IL12RB1: variants seen among roughly 807,000 people sequenced by gnomAD.
The protein encoded by IL12RB1 is interleukin 12 receptor subunit beta 1.
In IL12RB1, 64 loss-of-function variants were observed where a neutral mutation model predicts 94.4. The observed-to-expected ratio is 0.68, with a 90% CI of 0.55 to 0.83. The LOEUF is 0.83. Ranked by LOEUF, IL12RB1 falls within the 40% of genes least tolerant of loss-of-function variation. The pLI, the probability that IL12RB1 is intolerant of heterozygous loss-of-function variation, is 0.00. For missense variants in IL12RB1, 814 were observed against 855.6 expected, an observed-to-expected ratio of 0.95 and a Z score of 0.61; for synonymous variants, 362 against 355.5, an observed-to-expected ratio of 1.02 and a Z score of -0.21.
rs972579837 is a variant in IL12RB1 at position 18,068,432 on chromosome 19, G to A, written c.1284C>T (p.Thr428=). The change falls in exon 11 of 17, where the codon ACC becomes ACT. Residue 428 remains threonine (T), a synonymous_variant. Coordinates refer to ENST00000593993, the MANE Select transcript of IL12RB1 (RefSeq NM_005535.3). ...IFASAHPEKL[T]LWSTVLSTYH... is the part of the protein sequence containing the mutation. ...AGGTGGACAGGACCGTAGACCACAA[G>A]GTGAGCTTCTCGGGGTGCGCAGAGG... 2 of 1,613,348 alleles carry A rather than the reference G, an allele frequency of 1.2e-6. No individual in the cohort carries two copies. The highest frequency in any genetic ancestry group is 1.3e-5 in the African/African-American group (1 of 74,808).
rs1259354262 is a variant in IL12RB1 at position 18,066,677 on chromosome 19, G to A, written c.1348C>T (p.His450Tyr). 1.6e-5 allele frequency: 26 copies of A among 1,607,772 alleles called. No homozygotes were observed. The highest frequency in any genetic ancestry group is 2.2e-5 in the Non-Finnish European group (26 of 1,175,058). ...GGNASAAGTPHHVSVKNHSLD... is the reference protein window; with the variant it reads ...GGNASAAGTPYHVSVKNHSLD... ...CTATGATTCTTCACCGAGACGTGGTGCGGTGTCCCAGCTGCTGAGGCTGCA... is the reference window on the plus strand; with the variant it reads ...CTATGATTCTTCACCGAGACGTGGTACGGTGTCCCAGCTGCTGAGGCTGCA... The change falls in exon 12 of 17, where the codon CAC (histidine) becomes TAC (tyrosine). Residue 450 changes from histidine to tyrosine, a missense_variant. Transcript: ENST00000593993.
chr19:18,060,044 T>C lies in IL12RB1; in HGVS notation c.1833A>G (p.Ala611=), dbSNP rs1211891357. 3 of 1,606,598 alleles carry C rather than the reference T, an allele frequency of 1.9e-6. No individual in the cohort carries two copies. In the South Asian group the frequency reaches 3.3e-5, roughly 18 times the overall value. ...WINPVDFQEE[A]SLQEALVVEM... ...CTACCACCAGGGCCTCCTGCAGGGATGCCTCTTCCTGGAAGTCCACTGGGT... is the reference window on the plus strand; with the variant it reads ...CTACCACCAGGGCCTCCTGCAGGGACGCCTCTTCCTGGAAGTCCACTGGGT... The change falls in exon 16 of 17, where the codon GCA becomes GCG. Residue 611 remains alanine (A), a synonymous_variant. Coordinates refer to ENST00000593993, the MANE Select transcript of IL12RB1 (RefSeq NM_005535.3).
chr19:18,066,044 T>TAAA (rs76051228), intron 12 of IL12RB1, among the ~76,000 whole-genome samples: 5 of 131,902 alleles, frequency 3.8e-5, no homozygotes, highest in African/African-American at 7.9e-5. Flanking sequence ...TCTATAAAAT[T>TAAA]AAAAAAAAAA....
rs1568505741 is a variant in IL12RB1 at position 18,075,808 on chromosome 19, TGCC to T, written c.638_640del (p.Arg213del). The T allele has an allele frequency of 6.2e-7, 1 of 1,611,272 alleles. No individual in the cohort carries two copies. Among genetic ancestry groups the T allele is most frequent in the East Asian group, 2.2e-5 (1 of 44,848 alleles). Reference sequence around the variant, plus strand: ...CCAGGAACTTCCTTGGCTCCCCAGCTGCCGTCGTCGGAGCTGGAATTCCTGGGC... The same window carrying T: ...CCAGGAACTTCCTTGGCTCCCCAGCTGTCGTCGGAGCTGGAATTCCTGGGC... On this transcript the variant is annotated inframe_deletion, in exon 7 of 17. Coordinates refer to ENST00000593993, the MANE Select transcript of IL12RB1 (RefSeq NM_005535.3).
intron 13 of IL12RB1, 90 bp downstream of exon 13, chr19:18,063,786 G>T: frequency 1.6e-6 from 2 of 1,212,986 alleles, no homozygotes; most frequent in Non-Finnish European, 2.3e-6. Flanking sequence ...TAGAGGGAGT[G>T]AGAGTGAGGG....
intron 13 of IL12RB1, 74 bp from the exon 14 acceptor site, chr19:18,062,351 G>A: frequency 1.1e-6 from 1 of 903,386 alleles, no homozygotes; most frequent in Non-Finnish European, 1.7e-6. Context: ...AGGAGGGCCT[G>A]GTTTCTCCAT....
At chr19:18,061,636 G>GAATTTCCCTA (rs1399063562) in intron 14 of IL12RB1, among the ~76,000 whole-genome samples, 2 of 151,984 alleles carry the variant, frequency 1.3e-5, no homozygotes, top group Non-Finnish European at 2.9e-5. Flanking sequence ...TTTCTGCATA[G>GAATTTCCCTA]GATCACCTGA....
chr19:18,072,576 C>G (rs913665019), intron 8 of IL12RB1, among the ~76,000 whole-genome samples: 3 of 152,116 alleles, frequency 2.0e-5, no homozygotes, highest in Admixed American at 1.3e-4. Flanking sequence ...ATTGACAAAA[C>G]CCACTGACAT....
intron 13 of IL12RB1, among the ~76,000 whole-genome samples, chr19:18,063,669 G>A (rs2034339655): frequency 6.6e-6 from 1 of 152,210 alleles, no homozygotes; most frequent in Non-Finnish European, 1.5e-5. Context: ...CAGGAGGCAG[G>A]GAAGGGCCTG....
At chr19:18,084,412 A>G (rs2036176603) in intron 1 of IL12RB1, among the ~76,000 whole-genome samples, 1 of 150,434 alleles carries the variant, frequency 6.6e-6, no homozygotes, top group Non-Finnish European at 1.5e-5. Context: ...TAATCCATCC[A>G]TCCATCCATC....
rs17885514 is a variant in IL12RB1 at position 18,060,127 on chromosome 19, A to G, written c.1792-42T>C. 3.0e-4 allele frequency: 327 copies of G among 1,101,092 alleles called. No individual in the cohort carries two copies. The African/African-American group carries it at 3.6e-3, about 12-fold the overall frequency. The allele number at this position is 1,101,092 out of a possible 1,614,324, so 68.2% of individuals were successfully genotyped here. On this transcript the variant is annotated intron_variant, in intron 15 of 16. Transcript: ENST00000593993. Reference sequence around the variant, plus strand: ...GGGCCACAGCTGTGAGCAGAGCTCTACTTCCCATCCACAGCAGGATGGAAC... The same window carrying G: ...GGGCCACAGCTGTGAGCAGAGCTCTGCTTCCCATCCACAGCAGGATGGAAC...
chr19:18,094,025 A>G (rs2036765925), intron 1 of IL12RB1, among the ~76,000 whole-genome samples: 1 of 152,232 alleles, frequency 6.6e-6, no homozygotes, highest in Non-Finnish European at 1.5e-5. Flanking sequence ...TCATTCATTT[A>G]ACAAACTCAC....
intron 4 of IL12RB1, among the ~76,000 whole-genome samples, chr19:18,079,368 T>G (rs2035715225): frequency 6.6e-6 from 1 of 152,158 alleles, no homozygotes; most frequent in Non-Finnish European, 1.5e-5. Context: ...CCTCTCGAAG[T>G]GCTAGGATTA....
chr19:18,084,900 T>C (rs1389343686), intron 1 of IL12RB1, among the ~76,000 whole-genome samples: 6 of 152,170 alleles, frequency 3.9e-5, no homozygotes, highest in African/African-American at 1.2e-4. Flanking sequence ...GTGCCTGGGG[T>C]GGCACCAGTG....
At chr19:18,084,700 T>A (rs1568523025) in intron 1 of IL12RB1, among the ~76,000 whole-genome samples, 2 of 151,696 alleles carry the variant, frequency 1.3e-5, no homozygotes, top group African/African-American at 4.8e-5. Flanking sequence ...CATCCATCCA[T>A]ACATACATAC....
intron 9 of IL12RB1, chr19:18,071,229 G>A (rs1053849835): frequency 3.9e-5 from 16 of 412,828 alleles, no homozygotes; most frequent in East Asian, 2.5e-4. Flanking sequence ...AAAATTAGCC[G>A]GGTATGGTGG....
At chr19:18,090,341 C>T (rs2036577082), upstream of IL12RB1, among the ~76,000 whole-genome samples, 1 of 152,020 alleles carries the variant, frequency 6.6e-6, no homozygotes, top group Non-Finnish European at 1.5e-5. Context: ...CAAGACCCTG[C>T]TCAAAAAATA....
Position 18,064,004 on chromosome 19 carries a change from G to A in IL12RB1, c.1490C>T (p.Pro497Leu), listed in dbSNP as rs749510884. The stretch of plus-strand genomic sequence containing the variant: ...AACTTGGGTCTCTGTGGGCTGCACG[G>A]GATGCTCTGCAGTGGGAGAGGCAAC... ...DEDSKQVSEH[P>L]VQPTETQVTL... The change falls in exon 13 of 17, where the codon CCC (proline) becomes CTC (leucine). Residue 497 changes from proline (P) to leucine (L), a missense_variant. Coordinates refer to ENST00000593993, the MANE Select transcript of IL12RB1 (RefSeq NM_005535.3). 1 of 1,611,924 alleles carries A rather than the reference G, an allele frequency of 6.2e-7. No individual in the cohort carries two copies. The highest frequency in any genetic ancestry group is 1.3e-5 in the African/African-American group (1 of 74,850).
intron 8 of IL12RB1, 36 bp from the exon 9 acceptor site, chr19:18,072,385 G>C (rs778254603): frequency 7.4e-7 from 1 of 1,344,728 alleles, no homozygotes; most frequent in Admixed American, 1.7e-5. Context: ...GTGGGTACCT[G>C]ATCACACTCA....
Sources: gnomAD v4.1 joint callset for allele counts (sites outside exome capture counted in the v4.1 genomes callset) on GRCh38, gnomAD v4.1.1 for gene constraint, MANE v1.5 for transcripts, NCBI Gene and HGNC (gene_info 2026-07-23, HGNC 2026-07-21) for gene names.